The following LRRC7 variants were observed in gnomAD, a reference collection of about 807,000 sequenced individuals.
LRRC7 encodes leucine rich repeat containing 7, also known as leucine-rich repeat-containing protein 7.
In LRRC7, 23 loss-of-function variants were observed where a neutral mutation model predicts 175.7. The observed-to-expected ratio is 0.13, with a 90% CI of 0.09 to 0.19. The LOEUF (loss-of-function observed/expected upper bound fraction) is 0.19. LRRC7 is among the 10% of genes least tolerant of loss of function. The pLI, the probability that LRRC7 is intolerant of heterozygous loss-of-function variation, is 1.00. For missense variants in LRRC7, 1,354 were observed against 1,904.7 expected (o/e 0.71, Z 5.38); for synonymous variants, 685 against 680.9 (o/e 1.01, Z -0.09).
At chr1:69,724,501 G>A (rs1158288989) in intron 2 of LRRC7, among the ~76,000 whole-genome samples, 2 of 152,134 alleles carry the variant, frequency 1.3e-5, no homozygotes, top group Non-Finnish European at 2.9e-5. Flanking sequence ...AATTATTTGA[G>A]AATCAAGAAA....
At chr1:69,858,254 G>A (rs866858029) in intron 7 of LRRC7, among the ~76,000 whole-genome samples, 5 of 152,078 alleles carry the variant, frequency 3.3e-5, no homozygotes, top group African/African-American at 1.2e-4. Flanking sequence ...AGCCAAAATT[G>A]ACAAATGGGA....
intron 2 of LRRC7, among the ~76,000 whole-genome samples, chr1:69,716,445 A>G (rs980162427): frequency 1.3e-5 from 2 of 151,876 alleles, no homozygotes; most frequent in Admixed American, 1.3e-4. Flanking sequence ...TATAAGAAAC[A>G]TGAATTTAAA....
At position 70,039,424 on chromosome 1, in the gene LRRC7, G is replaced by A; in HGVS notation, c.3600G>A (p.Glu1200=). 14 of 1,614,120 alleles carry A rather than the reference G, an allele frequency of 8.7e-6. No individual in the cohort carries two copies. The highest frequency in any genetic ancestry group is 1.2e-5 in the Non-Finnish European group (14 of 1,180,016). The part of the protein sequence containing the change: ...LDRQSSVTVT[E]SQFLKRNGRY... ...GCCAAAGCAGCGTTACAGTGACTGA[G>A]TCCCAGTTCCTGAAAAGGAATGGCA... The change falls in exon 21 of 27, where the codon GAG becomes GAA. Residue 1200 remains glutamate, a synonymous_variant. Coordinates refer to ENST00000651989, the MANE Select transcript of LRRC7 (RefSeq NM_001370785.2).
At position 69,782,991 on chromosome 1, in the gene LRRC7, A is replaced by G. The variant is rs150163810; in HGVS notation, c.304-9052A>G. ...AAAAATGACCATCCAAACACTTCCT[A>G]CAGGATAAAGCTCAGACCCTTACAG... is the stretch of plus-strand genomic sequence containing the variant. On this transcript the variant is annotated intron_variant, in intron 3 of 26. Transcript: ENST00000651989. Among the ~76,000 whole-genome samples the G allele has an allele frequency of 3.7e-4, 56 of 152,334 alleles. 1 individual carries two copies. Among genetic ancestry groups the G allele is most frequent in the African/African-American group, 1.3e-3 (54 of 41,580 alleles).
At chr1:70,072,952 G>A (rs539554452) in intron 23 of LRRC7, among the ~76,000 whole-genome samples, 58 of 152,226 alleles carry the variant, frequency 3.8e-4, no homozygotes, top group African/African-American at 1.3e-3. Flanking sequence ...GTCAATTTGC[G>A]GGGAAAGGGT....
intron 1 of LRRC7, among the ~76,000 whole-genome samples, chr1:69,669,406 C>T (rs550626533): frequency 6.6e-6 from 1 of 152,240 alleles, no homozygotes; most frequent in African/African-American, 2.4e-5. Context: ...CTCTCATGGC[C>T]TATAAACTCT....
chr1:69,820,605 T>C (rs920791966), intron 4 of LRRC7, among the ~76,000 whole-genome samples: 10 of 152,108 alleles, frequency 6.6e-5, no homozygotes, highest in Non-Finnish European at 4.4e-5. Context: ...AGTGAGAACA[T>C]GTGGTGTTTG....
chr1:69,614,849 C>A (rs1470459254), intron 1 of LRRC7, among the ~76,000 whole-genome samples: 1 of 151,912 alleles, frequency 6.6e-6, no homozygotes, highest in East Asian at 1.9e-4. Context: ...ATAATTTGCC[C>A]CAAATTTACA....
chr1:69,630,439 G>T (rs988055936), intron 1 of LRRC7, among the ~76,000 whole-genome samples: 12 of 152,096 alleles, frequency 7.9e-5, no homozygotes, highest in Non-Finnish European at 1.6e-4. Context: ...CTTATAAAAT[G>T]TCTGTAATGA....
chr1:69,861,129 A>C (rs1284844253), intron 7 of LRRC7, among the ~76,000 whole-genome samples: 1 of 152,084 alleles, frequency 6.6e-6, no homozygotes, highest in Non-Finnish European at 1.5e-5. Flanking sequence ...ATTAGTTATA[A>C]ATTTATGAAA....
chr1:69,657,601 T>C (rs1441013123), intron 1 of LRRC7, among the ~76,000 whole-genome samples: 3 of 151,884 alleles, frequency 2.0e-5, no homozygotes, highest in African/African-American at 7.2e-5. Flanking sequence ...GTTATAATAT[T>C]GAATTAATTT....
At chr1:69,700,398 T>C (rs1394011655) in intron 2 of LRRC7, among the ~76,000 whole-genome samples, 2 of 152,194 alleles carry the variant, frequency 1.3e-5, no homozygotes, top group Non-Finnish European at 2.9e-5. Context: ...CCTTTGTAAA[T>C]TCTTCATATA....
chr1:69,685,329 G>A (rs1413624764), intron 2 of LRRC7, among the ~76,000 whole-genome samples: 1 of 151,722 alleles, frequency 6.6e-6, no homozygotes, highest in Admixed American at 6.6e-5. Flanking sequence ...GCAGTTGACT[G>A]TAACCCATCA....
intron 3 of LRRC7, among the ~76,000 whole-genome samples, chr1:69,777,340 G>A (rs187203557): frequency 3.3e-5 from 5 of 152,288 alleles, no homozygotes; most frequent in African/African-American, 1.2e-4. Flanking sequence ...GGCAAGAACT[G>A]TATAATCCAT....
intron 8 of LRRC7, among the ~76,000 whole-genome samples, chr1:69,951,619 C>G (rs1455565989): frequency 6.6e-6 from 1 of 152,014 alleles, no homozygotes; most frequent in Non-Finnish European, 1.5e-5. Context: ...TAAAAAAGAA[C>G]AAGATCATGT....
At chr1:69,946,396 A>G (rs1570759513) in intron 8 of LRRC7, among the ~76,000 whole-genome samples, 1 of 152,040 alleles carries the variant, frequency 6.6e-6, no homozygotes, top group African/African-American at 2.4e-5. Context: ...TATTCTGTAC[A>G]TGTCTGTTAA....
Position 70,038,149 on chromosome 1 carries a change from G to C in LRRC7, c.2325G>C (p.Lys775Asn). The C allele has an allele frequency of 6.2e-7, 1 of 1,612,938 alleles. No individual in the cohort carries two copies. The highest frequency in any genetic ancestry group is 8.5e-7 in the Non-Finnish European group (1 of 1,179,464). The part of the protein sequence containing the change: ...APSFPQPLDS[K>N]PLLSQREAVP... ...CTTTCCCACAGCCTCTTGATTCAAA[G>C]CCATTACTCAGCCAGCGGGAGGCTG... Residue 775 changes from lysine to asparagine, a missense_variant, in exon 21 of 27, where the codon AAG becomes AAC. Physicochemically the swap from Lys to Asn is moderately conservative, Grantham distance 94. Transcript: ENST00000651989.
chr1:70,115,544 A>G (rs949050051), intron 26 of LRRC7, among the ~76,000 whole-genome samples: 1 of 152,184 alleles, frequency 6.6e-6, no homozygotes, highest in Non-Finnish European at 1.5e-5. Context: ...TTTTGCTGAT[A>G]GTGTCATATT....
chr1:69,858,677 C>T (rs930822407), intron 7 of LRRC7, among the ~76,000 whole-genome samples: 1 of 152,088 alleles, frequency 6.6e-6, no homozygotes, highest in Non-Finnish European at 1.5e-5. Context: ...CAGATGACAA[C>T]TGCTCAGGAA....
Sources: gnomAD v4.1 joint callset for allele counts (sites outside exome capture counted in the v4.1 genomes callset) on GRCh38, gnomAD v4.1.1 for gene constraint, MANE v1.5 for transcripts, NCBI Gene and HGNC (gene_info 2026-07-23, HGNC 2026-07-21) for gene names.